The following DNAH6 variants were observed in gnomAD, a reference collection of about 807,000 sequenced individuals.
DNAH6 encodes the protein axonemal beta dynein heavy chain 6.
DNAH6 carries 340 observed loss-of-function variants against 491.4 expected under a neutral mutation model. The observed-to-expected ratio is 0.69, with a 90% CI of 0.63 to 0.76. The LOEUF is 0.76. Among genes scored for constraint, DNAH6 ranks in the 30% least tolerant of loss-of-function variants. The pLI is 0.00. For synonymous variants in DNAH6, 1,603 were observed against 1,686.1 expected, an observed-to-expected ratio of 0.95 and a Z score of 1.21; for missense variants, 4,443 against 4,972.2, an observed-to-expected ratio of 0.89 and a Z score of 3.20.
At chr2:84,664,613 C>G (rs1043917630) in intron 37 of DNAH6, among the ~76,000 whole-genome samples, 1 of 152,092 alleles carries the variant, frequency 6.6e-6, no homozygotes, top group Non-Finnish European at 1.5e-5. Flanking sequence ...CCTTAGAGAC[C>G]TACAAAGAGA....
chr2:84,630,790 T>C lies in DNAH6; in HGVS notation c.4516-3714T>C, dbSNP rs1558823399. 4.6e-5 allele frequency among the ~76,000 whole-genome samples: 7 copies of C among 152,326 alleles called. No individual in the cohort carries two copies. The South Asian group carries it at 1.5e-3, about 32-fold the overall frequency. On this transcript the variant is annotated intron_variant, in intron 29 of 76. Transcript: ENST00000389394. ...ATTGATTTGGGTAATTTGGGGTTCTTATGTGTTACAGAGTTTATTGTGAAA... is the reference window on the plus strand; with the variant it reads ...ATTGATTTGGGTAATTTGGGGTTCTCATGTGTTACAGAGTTTATTGTGAAA...
At position 84,650,787 on chromosome 2, in the gene DNAH6, G is replaced by C. The variant is rs144653690; in HGVS notation, c.5079-2532G>C. Among the ~76,000 whole-genome samples, 63 of 152,220 alleles carry C rather than the reference G, an allele frequency of 4.1e-4. 1 individual carries two copies. The highest frequency in any genetic ancestry group is 1.5e-3 in the African/African-American group (62 of 41,528). Reference sequence around the variant, plus strand: ...TCTCATCTCAGTGTTAGCATCTATTGATTGTCTCTCTTAGTTCAGTTTGAG... The same window carrying C: ...TCTCATCTCAGTGTTAGCATCTATTCATTGTCTCTCTTAGTTCAGTTTGAG... On this transcript the variant is annotated intron_variant, in intron 33 of 76. Transcript: ENST00000389394.
intron 64 of DNAH6, among the ~76,000 whole-genome samples, chr2:84,771,454 A>T (rs989077088): frequency 4.6e-5 from 7 of 151,766 alleles, no homozygotes; most frequent in African/African-American, 1.7e-4. Flanking sequence ...GAAAGGTATG[A>T]ATCTACACAT....
intron 18 of DNAH6, among the ~76,000 whole-genome samples, chr2:84,602,930 G>GT (rs1053972026): frequency 4.1e-5 from 6 of 145,730 alleles, no homozygotes; most frequent in Admixed American, 1.4e-4. Flanking sequence ...CTCTTATACT[G>GT]TTTTTTTTAT....
chr2:84,589,602 C>T (rs1045398684), intron 16 of DNAH6, among the ~76,000 whole-genome samples: 1 of 150,292 alleles, frequency 6.7e-6, no homozygotes, highest in African/African-American at 2.5e-5. Context: ...GTCCCAGGTA[C>T]TTGGGAGGCT....
At chr2:84,791,168 C>T (rs184047519) in intron 68 of DNAH6, among the ~76,000 whole-genome samples, 1,532 of 141,896 alleles carry the variant, frequency 0.011, 12 homozygotes, top group Non-Finnish European at 0.017. Context: ...CCAGCCTGGG[C>T]GAGAGAGTAA....
chr2:84,763,018 C>A, intron 64 of DNAH6, 73 bp downstream of exon 64: 2 of 1,182,114 alleles, frequency 1.7e-6, no homozygotes, highest in Non-Finnish European at 2.5e-6. Flanking sequence ...TGCCTTTGTT[C>A]TTCCCCTTGT....
At chr2:84,483,051 C>G in the DNAH6 span, among the ~76,000 whole-genome samples, 1 of 151,702 alleles carries the variant, frequency 6.6e-6, no homozygotes, top group South Asian at 2.1e-4. Context: ...GCCTCCAACT[C>G]CTAGGCTCAA....
chr2:84,476,689 G>A, the DNAH6 span, among the ~76,000 whole-genome samples: 7 of 152,100 alleles, frequency 4.6e-5, no homozygotes, highest in South Asian at 2.1e-4. Context: ...ATCCTTATAC[G>A]CGTTTTTAAA....
chr2:84,794,419 A>G (rs1484021747), intron 68 of DNAH6, among the ~76,000 whole-genome samples: 22 of 151,448 alleles, frequency 1.5e-4, no homozygotes, highest in Non-Finnish European at 2.5e-4. Context: ...AATTTTTGCA[A>G]CCTACTCATC....
At chr2:84,741,318 G>A (rs1489632635) in intron 62 of DNAH6, among the ~76,000 whole-genome samples, 1 of 152,132 alleles carries the variant, frequency 6.6e-6, no homozygotes, top group African/African-American at 2.4e-5. Flanking sequence ...CAGGCAGGCA[G>A]CATGATCAAG....
In DNAH6 at chr2:84,604,399, GAACA is replaced by G. The variant is rs1473195649; in HGVS notation, c.2934_2937del (p.Thr979LeufsTer5). On this transcript the variant is annotated frameshift_variant, in exon 19 of 77. Coordinates refer to ENST00000389394, the MANE Select transcript of DNAH6 (RefSeq NM_001370.2). LOFTEE classifies it high-confidence loss of function. Reference sequence around the variant, plus strand: ...GAAGGCAAGACATTGGGCAGCTATTGAACAAACAGTTGATGCCACTCTAGTGGAT... The same window carrying G: ...GAAGGCAAGACATTGGGCAGCTATTGAACAGTTGATGCCACTCTAGTGGAT... 1 of 1,552,092 alleles carries G rather than the reference GAACA, an allele frequency of 6.4e-7. No individual in the cohort carries two copies. Among genetic ancestry groups the G allele is most frequent in the East Asian group, 2.4e-5 (1 of 40,932 alleles).
At chr2:84,511,344 G>A in the DNAH6 span, among the ~76,000 whole-genome samples, 1 of 148,372 alleles carries the variant, frequency 6.7e-6, no homozygotes, top group East Asian at 1.9e-4. Context: ...CAATGAGTGA[G>A]GCTCCATGGG....
At position 84,557,905 on chromosome 2, in the gene DNAH6, G is replaced by A. The variant is rs142159263; in HGVS notation, c.1773G>A (p.Lys591=). ...TAGCAGCAGTATTTGAGGATGATAA[G>A]AATTTTCACACAATTATTTCTCAAA... ...PSLAAVFEDD[K]NFHTIISQIK... is the part of the protein sequence containing the mutation. Residue 591 remains lysine, a synonymous_variant, in exon 11 of 77, where the codon AAG becomes AAA. Coordinates refer to ENST00000389394, the MANE Select transcript of DNAH6 (RefSeq NM_001370.2). The A allele has an allele frequency of 1.5e-4, 237 of 1,610,172 alleles. No homozygotes were observed. The Middle Eastern group carries it at 1.8e-3, about 12-fold the overall frequency.
At chr2:84,704,393 T>A in intron 51 of DNAH6, 91 bp downstream of exon 51, 1 of 925,880 alleles carries the variant, frequency 1.1e-6, no homozygotes, top group Non-Finnish European at 1.6e-6. Flanking sequence ...CATTCCCTTC[T>A]CCACCTTCTC....
At chr2:84,735,703 C>T (rs988807223) in intron 62 of DNAH6, among the ~76,000 whole-genome samples, 4 of 151,976 alleles carry the variant, frequency 2.6e-5, no homozygotes, top group African/African-American at 9.7e-5. Context: ...TATTCATGTT[C>T]TTTGCCCACT....
At chr2:84,598,180 TCTC>T (rs1321973159) in intron 18 of DNAH6, among the ~76,000 whole-genome samples, 43 of 71,372 alleles carry the variant, frequency 6.0e-4, no homozygotes, top group South Asian at 1.2e-3. Flanking sequence ...TCTTTCTTTC[TCTC>T]TTTCTTTTCT....
At chr2:84,555,946 T>C (rs778734298) in intron 10 of DNAH6, among the ~76,000 whole-genome samples, 1 of 152,154 alleles carries the variant, frequency 6.6e-6, no homozygotes, top group African/African-American at 2.4e-5. Flanking sequence ...CCTGAAATAG[T>C]CTGCTCTGAT....
At chr2:84,475,137 T>C in the DNAH6 span, among the ~76,000 whole-genome samples, 112 of 152,332 alleles carry the variant, frequency 7.4e-4, no homozygotes, top group Admixed American at 2.8e-3. Context: ...AGACTAGACC[T>C]TCCAAGTAAT....
Sources: allele counts gnomAD v4.1 joint callset (sites outside exome capture counted in the v4.1 genomes callset), GRCh38; gene constraint gnomAD v4.1.1; transcripts MANE v1.5; gene names NCBI Gene and HGNC (gene_info 2026-07-23, HGNC 2026-07-21).